The following OR2H2 variants were observed in gnomAD, a reference collection of about 807,000 sequenced individuals.
OR2H2 encodes olfactory receptor family 2 subfamily H member 2, also known as olfactory receptor 2H2.
For missense variants in OR2H2, 295 were observed against 313.7 expected (o/e 0.94, Z 0.45); for synonymous variants, 146 against 132.4 (o/e 1.10, Z -0.71).
Position 29,588,150 on chromosome 6 carries a change from T to C in OR2H2, c.206T>C (p.Leu69Pro). The change falls in exon 2 of 2, where the codon CTC (leucine) becomes CCC (proline). Residue 69 changes from leucine (L) to proline (P), a missense_variant. Transcript: ENST00000641840. ...FFLSNLSFLD[L>P]CFTTSCVPQM... ...CTCTCCAACCTCTCCTTCTTGGACCTCTGTTTCACCACGAGTTGTGTTCCC... is the reference window on the plus strand; with the variant it reads ...CTCTCCAACCTCTCCTTCTTGGACCCCTGTTTCACCACGAGTTGTGTTCCC... 1 of 1,229,468 alleles carries C rather than the reference T, an allele frequency of 8.1e-7. No individual in the cohort carries two copies. The highest frequency in any genetic ancestry group is 1.2e-6 in the Non-Finnish European group (1 of 829,400). 76.2% of individuals were successfully genotyped at this position (1,229,468 alleles called of 1,614,324 possible).
chr6:29,590,479 CA>C lies in OR2H2; in HGVS notation c.*1598del, dbSNP rs1465725082. 1 of 151,294 alleles carries C rather than the reference CA, an allele frequency of 6.6e-6. No individual in the cohort carries two copies. Among genetic ancestry groups the C allele is most frequent in the African/African-American group, 2.4e-5 (1 of 41,426 alleles). 9.4% of individuals were successfully genotyped at this position (151,294 alleles called of 1,614,324 possible). On this transcript the variant is annotated 3_prime_UTR_variant, in exon 2 of 2. Transcript: ENST00000641840. ...CTTCAAAGCATAAGAAACAACAGAA[CA>C]ATAAAACTTTTGGAAAAAGTTGTGT...
rs1244405008 is a variant in OR2H2 at position 29,585,685 on chromosome 6, C to T, written c.-276+335C>T. 5.9e-5 allele frequency among the ~76,000 whole-genome samples: 9 copies of T among 152,300 alleles called. No individual in the cohort carries two copies. The South Asian group carries it at 1.5e-3, about 25-fold the overall frequency. The stretch of plus-strand genomic sequence containing the variant: ...AAGGACCTCCCAACTCCTTCCCCAG[C>T]TCCTAACACAATGCTGGCACTTTGG... On this transcript the variant is annotated intron_variant, in intron 1 of 1. Coordinates refer to ENST00000641840, the MANE Select transcript of OR2H2 (RefSeq NM_007160.4).
rs946984775 is a variant in OR2H2 at position 29,588,407 on chromosome 6, G to A, written c.463G>A (p.Val155Met). 3 of 1,588,350 alleles carry A rather than the reference G, an allele frequency of 1.9e-6. No individual in the cohort carries two copies. The highest frequency in any genetic ancestry group is 2.6e-6 in the Non-Finnish European group (3 of 1,157,678). The change falls in exon 2 of 2, where the codon GTG (valine) becomes ATG (methionine). Residue 155 changes from valine (V) to methionine (M), a missense_variant. Coordinates refer to ENST00000641840, the MANE Select transcript of OR2H2 (RefSeq NM_007160.4). ...VAWVIGLVES[V>M]VQTPSTLHLP... ...CTGGGTCATTGGGCTAGTGGAGTCA[G>A]TGGTCCAGACACCATCCACCCTGCA...
intron 1 of OR2H2, among the ~76,000 whole-genome samples, chr6:29,586,159 G>A (rs188789322): frequency 6.6e-6 from 1 of 152,266 alleles, no homozygotes; most frequent in Non-Finnish European, 1.5e-5. Context: ...TTTATGGTAC[G>A]TTAAATACAT....
At position 29,587,941 on chromosome 6, in the gene OR2H2, G is replaced by C. The variant is rs769285752; in HGVS notation, c.-4G>C. On this transcript the variant is annotated 5_prime_UTR_variant, in exon 2 of 2. Transcript: ENST00000641840. Reference sequence around the variant, plus strand: ...ATCCCTCCAGGTACAAACAAGAACAGGCCATGGTTAACCAAAGCTCCACAC... The same window carrying C: ...ATCCCTCCAGGTACAAACAAGAACACGCCATGGTTAACCAAAGCTCCACAC... 4.7e-6 allele frequency: 4 copies of C among 855,004 alleles called. No individual in the cohort carries two copies. Among genetic ancestry groups the C allele is most frequent in the Non-Finnish European group, 8.2e-6 (4 of 490,516 alleles). The allele number at this position is 855,004 out of a possible 1,614,324, so 53.0% of individuals were successfully genotyped here. A position where few individuals can be genotyped will look rare whatever the true frequency, so the allele number is the denominator to read the frequency against.
rs185177549 is a variant in OR2H2, at chr6:29,588,307, C to A, written c.363C>A (p.Tyr121Ter). Residue 121 changes from tyrosine (Y) to a stop codon, truncating the protein, a stop_gained, in exon 2 of 2, where the codon TAC (tyrosine) becomes TAA (stop). Coordinates refer to ENST00000641840, the MANE Select transcript of OR2H2 (RefSeq NM_007160.4). LOFTEE classifies it low-confidence loss of function (END_TRUNC). ...ILLTVMAFDR[Y>*]VAVCQPLHYA... ...TGACAGTGATGGCTTTTGATCGCTA[C>A]GTGGCTGTCTGCCAGCCCCTCCACT... The A allele has an allele frequency of 3.7e-6, 6 of 1,612,638 alleles. No homozygotes were observed. Among genetic ancestry groups the A allele is most frequent in the Non-Finnish European group, 5.1e-6 (6 of 1,179,586 alleles).
rs1219558257 is a variant in OR2H2 at position 29,590,042 on chromosome 6, T to C, written c.*1159T>C. The C allele has an allele frequency of 6.6e-6, 1 of 152,228 alleles. No individual in the cohort carries two copies. The highest frequency in any genetic ancestry group is 1.5e-5 in the Non-Finnish European group (1 of 68,040). The allele number at this position is 152,228 out of a possible 1,614,324, so 9.4% of individuals were successfully genotyped here. A position where few individuals can be genotyped will look rare whatever the true frequency, so the allele number is the denominator to read the frequency against. ...AAAGTGAAAAAACAGAATGGTTATATTGGTACTCAAAGTACGGTTTCTACT... is the reference window on the plus strand; with the variant it reads ...AAAGTGAAAAAACAGAATGGTTATACTGGTACTCAAAGTACGGTTTCTACT... On this transcript the variant is annotated 3_prime_UTR_variant, in exon 2 of 2. Transcript: ENST00000641840.
At chr6:29,587,095 A>T (rs2127358015) in intron 1 of OR2H2, among the ~76,000 whole-genome samples, 1 of 152,302 alleles carries the variant, frequency 6.6e-6, no homozygotes, top group South Asian at 2.1e-4. Flanking sequence ...TGGCCTTTAA[A>T]TTTTGGACTC....
intron 1 of OR2H2, among the ~76,000 whole-genome samples, chr6:29,586,485 TA>T (rs771489542): frequency 0.12 from 10,105 of 82,426 alleles, 420 homozygotes; most frequent in Middle Eastern, 0.25. Context: ...AACGTGACTC[TA>T]AAAAAAAAAA....
chr6:29,588,231 C>A lies in OR2H2; in HGVS notation c.287C>A (p.Ser96Tyr). The change falls in exon 2 of 2, where the codon TCT becomes TAT. Residue 96 changes from serine to tyrosine, a missense_variant. Transcript: ENST00000641840. ...PKKTISFLDCSVQIFIFLSLG... is the reference protein window; with the variant it reads ...PKKTISFLDCYVQIFIFLSLG... Reference sequence around the variant, plus strand: ...AAGACCATCAGCTTCCTGGACTGCTCTGTCCAGATCTTCATCTTCCTGTCC... The same window carrying A: ...AAGACCATCAGCTTCCTGGACTGCTATGTCCAGATCTTCATCTTCCTGTCC... 6.4e-7 allele frequency: 1 copy of A among 1,555,890 alleles called. No homozygotes were observed. Among genetic ancestry groups the A allele is most frequent in the Non-Finnish European group, 8.9e-7 (1 of 1,127,876 alleles).
Position 29,588,322 on chromosome 6 carries a change from G to A in OR2H2, c.378G>A (p.Gln126=), listed in dbSNP as rs1371183558. The change falls in exon 2 of 2, where the codon CAG becomes CAA. Residue 126 remains glutamine, a synonymous_variant. Coordinates refer to ENST00000641840, the MANE Select transcript of OR2H2 (RefSeq NM_007160.4). ...MAFDRYVAVC[Q]PLHYATIIHP... is the part of the protein sequence containing the mutation. ...TTGATCGCTACGTGGCTGTCTGCCA[G>A]CCCCTCCACTATGCCACCATCATCC... 1 of 1,612,980 alleles carries A rather than the reference G, an allele frequency of 6.2e-7. No homozygotes were observed. The highest frequency in any genetic ancestry group is 8.5e-7 in the Non-Finnish European group (1 of 1,179,964).
chr6:29,588,866 G>C lies in OR2H2; in HGVS notation c.922G>C (p.Gly308Arg). The change falls in exon 2 of 2, where the codon GGG becomes CGG. Residue 308 changes from glycine to arginine, a missense_variant. Gly to Arg is a moderately radical substitution (Grantham distance 125, BLOSUM62 -2). Transcript: ENST00000641840. ...CAGGAGATTGCTGGGGAAGGAAATG[G>C]GGCTCACACAAAGCTGAGGGAGAGC... ...AFRRLLGKEM[G>R]LTQS 2 of 801,812 alleles carry C rather than the reference G, an allele frequency of 2.5e-6. No individual in the cohort carries two copies. The highest frequency in any genetic ancestry group is 2.7e-5 in the South Asian group (2 of 75,036). 49.7% of individuals were successfully genotyped at this position (801,812 alleles called of 1,614,324 possible).
In OR2H2 at chr6:29,586,477, C is replaced by T. The variant is rs891191184; in HGVS notation, c.-276+1127C>T. ...TTGCACTCCAGCCTGGGCTATAAAA[C>T]GTGACTCTAAAAAAAAAAAAAAAAA... On this transcript the variant is annotated intron_variant, in intron 1 of 1. Coordinates refer to ENST00000641840, the MANE Select transcript of OR2H2 (RefSeq NM_007160.4). Among the ~76,000 whole-genome samples the T allele has an allele frequency of 6.1e-5, 7 of 115,010 alleles. 1 individual carries two copies. The highest frequency in any genetic ancestry group is 2.1e-4 in the Admixed American group (2 of 9,542). 75.5% of individuals were successfully genotyped at this position (115,010 alleles called of 152,430 possible).
At position 29,588,039 on chromosome 6, in the gene OR2H2, C is replaced by T; in HGVS notation, c.95C>T (p.Ser32Phe). ...ERTLFVVVLT[S>F]YLLTLVGNTL... ...ACTCTCTTCGTGGTTGTCCTCACTT[C>T]CTACCTCCTAACCCTAGTGGGCAAC... Residue 32 changes from serine to phenylalanine, a missense_variant, in exon 2 of 2, where the codon TCC (serine) becomes TTC (phenylalanine). Transcript: ENST00000641840. 1.0e-6 allele frequency: 1 copy of T among 984,184 alleles called. No individual in the cohort carries two copies. The highest frequency in any genetic ancestry group is 1.7e-6 in the Non-Finnish European group (1 of 603,274). The allele number at this position is 984,184 out of a possible 1,614,324, so 61.0% of individuals were successfully genotyped here. A position where few individuals can be genotyped will look rare whatever the true frequency, so the allele number is the denominator to read the frequency against.
Position 29,588,120 on chromosome 6 carries a change from T to C in OR2H2, c.176T>C (p.Phe59Ser). 1 of 1,063,090 alleles carries C rather than the reference T, an allele frequency of 9.4e-7. No individual in the cohort carries two copies. Among genetic ancestry groups the C allele is most frequent in the Non-Finnish European group, 1.5e-6 (1 of 676,616 alleles). The allele number at this position is 1,063,090 out of a possible 1,614,324, so 65.9% of individuals were successfully genotyped here. ...CCCAAGCTCCACTCTCCAATGTACT[T>C]TTTCCTCTCCAACCTCTCCTTCTTG... ...LDPKLHSPMY[F>S]FLSNLSFLDL... The change falls in exon 2 of 2, where the codon TTT becomes TCT. Residue 59 changes from phenylalanine (F) to serine (S), a missense_variant. Coordinates refer to ENST00000641840, the MANE Select transcript of OR2H2 (RefSeq NM_007160.4).
chr6:29,590,393 T>C lies in OR2H2; in HGVS notation c.*1510T>C, dbSNP rs1489605397. 1 of 152,188 alleles carries C rather than the reference T, an allele frequency of 6.6e-6. No individual in the cohort carries two copies. Among genetic ancestry groups the C allele is most frequent in the African/African-American group, 2.4e-5 (1 of 41,446 alleles). The allele number at this position is 152,188 out of a possible 1,614,324, so 9.4% of individuals were successfully genotyped here. On this transcript the variant is annotated 3_prime_UTR_variant, in exon 2 of 2. Transcript: ENST00000641840. ...AGGAAATCATTTCAATCTAAAACTA[T>C]ATCTAAATGATCCCCCAGCCGAAGG...
Position 29,587,714 on chromosome 6 carries a change from A to C in OR2H2, c.-231A>C, listed in dbSNP as rs548916620. Reference sequence around the variant, plus strand: ...TGAGTATCCATCTGCTGTCCAGTACATTCATGGATTCCTCACTCTCACTAG... The same window carrying C: ...TGAGTATCCATCTGCTGTCCAGTACCTTCATGGATTCCTCACTCTCACTAG... On this transcript the variant is annotated 5_prime_UTR_variant, in exon 2 of 2. Coordinates refer to ENST00000641840, the MANE Select transcript of OR2H2 (RefSeq NM_007160.4). 7 of 509,668 alleles carry C rather than the reference A, an allele frequency of 1.4e-5. No homozygotes were observed. The highest frequency in any genetic ancestry group is 6.1e-5 in the East Asian group (2 of 32,900). 31.6% of individuals were successfully genotyped at this position (509,668 alleles called of 1,614,324 possible).
intron 1 of OR2H2, among the ~76,000 whole-genome samples, chr6:29,585,950 A>G (rs1233388): frequency 0.22 from 34,074 of 152,132 alleles, 4,069 homozygotes; most frequent in East Asian, 0.46. Flanking sequence ...CATGATGGAT[A>G]AATAAGAAAC....
chr6:29,586,991 C>A (rs930826797), intron 1 of OR2H2, among the ~76,000 whole-genome samples: 2 of 152,166 alleles, frequency 1.3e-5, no homozygotes, highest in Non-Finnish European at 2.9e-5. Flanking sequence ...AGTCCAGTCA[C>A]CTCCTCTAGG....
Sources: gnomAD v4.1 joint callset for allele counts (sites outside exome capture counted in the v4.1 genomes callset) on GRCh38, gnomAD v4.1.1 for gene constraint, MANE v1.5 for transcripts, NCBI Gene and HGNC (gene_info 2026-07-23, HGNC 2026-07-21) for gene names.